PHF24: variants seen among roughly 807,000 people sequenced by gnomAD.
PHF24 encodes Galpha inhibitory interacting protein.
In PHF24, 25 loss-of-function variants were observed where a neutral mutation model predicts 42.6. The observed-to-expected ratio is 0.59, with a 90% CI of 0.43 to 0.82. The LOEUF (loss-of-function observed/expected upper bound fraction) is 0.82. PHF24 is among the 40% of genes least tolerant of loss of function. The pLI, the probability that PHF24 is intolerant of heterozygous loss-of-function variation, is 0.00. For synonymous variants in PHF24, 185 were observed against 204.8 expected, an observed-to-expected ratio of 0.90 and a Z score of 0.83; for missense variants, 470 against 538.1, an observed-to-expected ratio of 0.87 and a Z score of 1.25.
the PHF24 span, among the ~76,000 whole-genome samples, chr9:34,668,049 G>A: frequency 1.3e-5 from 2 of 152,208 alleles, no homozygotes; most frequent in Non-Finnish European, 2.9e-5. Context: ...GGAGGTAGCA[G>A]AAGGCACCAA....
the PHF24 span, among the ~76,000 whole-genome samples, chr9:34,826,599 G>A: frequency 6.6e-6 from 1 of 152,360 alleles, no homozygotes; most frequent in East Asian, 1.9e-4. Context: ...CAACAACTCA[G>A]CGTTGAACAC....
At chr9:34,764,578 T>G in the PHF24 span, among the ~76,000 whole-genome samples, 3 of 152,100 alleles carry the variant, frequency 2.0e-5, no homozygotes, top group African/African-American at 7.2e-5. Context: ...GTCTATTTGA[T>G]TCTTCTCTCT....
chr9:34,964,679 G>C (rs1826707292), intron 1 of PHF24, among the ~76,000 whole-genome samples: 1 of 152,178 alleles, frequency 6.6e-6, no homozygotes, highest in Non-Finnish European at 1.5e-5. Flanking sequence ...GGTGTGTCTT[G>C]CAAACATTAC....
chr9:34,693,637 T>C, the PHF24 span, among the ~76,000 whole-genome samples: 5 of 152,064 alleles, frequency 3.3e-5, no homozygotes, highest in Non-Finnish European at 7.4e-5. Context: ...CCATCAAATA[T>C]ACCTCATCAC....
intron 1 of PHF24, among the ~76,000 whole-genome samples, chr9:34,963,322 A>C (rs1826659954): frequency 6.8e-6 from 1 of 147,706 alleles, no homozygotes; most frequent in Non-Finnish European, 1.5e-5. Context: ...GTAAGCTCAG[A>C]GTCTGTGCTA....
the PHF24 span, among the ~76,000 whole-genome samples, chr9:34,851,572 G>A: frequency 1.3e-5 from 2 of 152,132 alleles, no homozygotes; most frequent in Admixed American, 6.5e-5. Flanking sequence ...GCAATGCCTC[G>A]CCCTGCTTCG....
the PHF24 span, among the ~76,000 whole-genome samples, chr9:34,936,838 G>T: frequency 2.0e-5 from 3 of 148,470 alleles, no homozygotes; most frequent in East Asian, 6.1e-4. Flanking sequence ...CCTGGCAACC[G>T]CCCCGTCTGA....
At chr9:34,951,447 A>G in the PHF24 span, among the ~76,000 whole-genome samples, 3 of 152,230 alleles carry the variant, frequency 2.0e-5, no homozygotes, top group African/African-American at 7.2e-5. Context: ...GAAAGATTCA[A>G]AGAACAAGAT....
chr9:34,704,792 C>T, the PHF24 span, among the ~76,000 whole-genome samples: 2 of 152,152 alleles, frequency 1.3e-5, no homozygotes, highest in Middle Eastern at 3.4e-3. Context: ...GCTGAGATTG[C>T]GCCACTCACT....
chr9:34,982,087 G>T, exon 8 of PHF24: 1 of 152,182 alleles, frequency 6.6e-6, no homozygotes, highest in East Asian at 1.9e-4. Flanking sequence ...CATGGAAAGG[G>T]GGTCAGCTCT....
At chr9:34,975,324 A>G (rs1190457211) in intron 3 of PHF24, among the ~76,000 whole-genome samples, 1 of 152,244 alleles carries the variant, frequency 6.6e-6, no homozygotes, top group Non-Finnish European at 1.5e-5. Context: ...GTAGGTGTTT[A>G]TTGAAAGTAT....
chr9:34,879,987 C>T, the PHF24 span, among the ~76,000 whole-genome samples: 8 of 152,328 alleles, frequency 5.3e-5, 1 homozygote, highest in East Asian at 1.5e-3. Flanking sequence ...GCCCATCAGA[C>T]TAACAGCAGA....
chr9:34,881,123 G>C, the PHF24 span, among the ~76,000 whole-genome samples: 1 of 152,158 alleles, frequency 6.6e-6, no homozygotes, highest in Non-Finnish European at 1.5e-5. Flanking sequence ...GGTACATAAT[G>C]AAATGAAGGC....
At chr9:34,667,639 G>A in the PHF24 span, among the ~76,000 whole-genome samples, 12 of 152,334 alleles carry the variant, frequency 7.9e-5, no homozygotes, top group African/African-American at 2.6e-4. Context: ...GAGAGGAAGG[G>A]CCATGGGCTG....
the PHF24 span, among the ~76,000 whole-genome samples, chr9:34,689,171 G>T: frequency 6.6e-6 from 1 of 152,022 alleles, no homozygotes; most frequent in African/African-American, 2.4e-5. This position sits in a 1 kb window ranked among gnomAD's most constrained non-coding sequence, Gnocchi z 4.1. Flanking sequence ...GTGAGAGCTG[G>T]TTCCCCACAA....
At chr9:34,899,884 A>G in the PHF24 span, among the ~76,000 whole-genome samples, 1 of 152,218 alleles carries the variant, frequency 6.6e-6, no homozygotes, top group Non-Finnish European at 1.5e-5. Flanking sequence ...TTAAAAATAT[A>G]GATTTTCTGG....
At chr9:34,977,914 C>T (rs146110314) in intron 7 of PHF24, 101 bp from the exon 8 acceptor site, 17 of 920,498 alleles carry the variant, frequency 1.8e-5, no homozygotes, top group South Asian at 8.2e-5. Flanking sequence ...TCAGGGCTCA[C>T]GCGTCTTCAA....
At chr9:34,739,339 C>T in the PHF24 span, among the ~76,000 whole-genome samples, 14 of 152,140 alleles carry the variant, frequency 9.2e-5, no homozygotes, top group Non-Finnish European at 1.5e-4. Flanking sequence ...TTTGGAGTGC[C>T]ATTTAGGGGT....
chr9:34,825,284 G>A, the PHF24 span, among the ~76,000 whole-genome samples: 1 of 145,372 alleles, frequency 6.9e-6, no homozygotes, highest in African/African-American at 2.4e-5. Flanking sequence ...CTGCTGAAGA[G>A]GACTCTCTTC....
Sources: allele counts gnomAD v4.1 joint callset (sites outside exome capture counted in the v4.1 genomes callset), GRCh38; gene constraint gnomAD v4.1.1; non-coding constraint Gnocchi (gnomAD v3.1); transcripts MANE v1.5; gene names NCBI Gene and HGNC (gene_info 2026-07-23, HGNC 2026-07-21).